Variants in ME2 observed in about 807,000 individuals in gnomAD.
ME2 encodes NAD-dependent malic enzyme, mitochondrial.
ME2 carries 60 observed loss-of-function variants against 73.7 expected under a neutral mutation model. The ratio of observed to expected loss-of-function variants is 0.81; its 90% CI spans 0.66 to 1.01. The LOEUF (loss-of-function observed/expected upper bound fraction) is 1.01, where lower values mean the gene tolerates loss of function less well. ME2 is among the 50% of genes least tolerant of loss of function. ME2 has a pLI of 0.00. For missense variants in ME2, 594 were observed against 705.5 expected, an observed-to-expected ratio of 0.84 and a Z score of 1.79; for synonymous variants, 199 against 236.9, an observed-to-expected ratio of 0.84 and a Z score of 1.47.
chr18:50,895,690 C>T, intron 1 of ME2, 119 bp from the exon 2 acceptor site: 1 of 646,038 alleles, frequency 1.5e-6, no homozygotes, highest in South Asian at 2.0e-5. Context: ...CTCTTGTTAC[C>T]TTTTTAAAAC....
intron 12 of ME2, among the ~76,000 whole-genome samples, chr18:50,926,479 G>T (rs917579279): frequency 4.6e-5 from 7 of 152,122 alleles, no homozygotes; most frequent in Non-Finnish European, 1.0e-4. Context: ...GGACATATGC[G>T]TGGTTTTCTT....
chr18:50,897,586 C>T (rs985041738), intron 2 of ME2, among the ~76,000 whole-genome samples: 1 of 151,888 alleles, frequency 6.6e-6, no homozygotes, highest in African/African-American at 2.4e-5. Context: ...TTAGGCCGGA[C>T]ATGGTGGCTT....
intron 2 of ME2, among the ~76,000 whole-genome samples, chr18:50,904,434 A>G (rs1916966703): frequency 6.7e-6 from 1 of 150,046 alleles, no homozygotes; most frequent in Non-Finnish European, 1.5e-5. Flanking sequence ...ACCCACCACC[A>G]CACCTGGCTT....
chr18:50,915,102 C>T (rs892815276), intron 4 of ME2, among the ~76,000 whole-genome samples: 1 of 152,060 alleles, frequency 6.6e-6, no homozygotes, highest in Non-Finnish European at 1.5e-5. Flanking sequence ...TCCTCCTCCT[C>T]CTCCTCCTCC....
chr18:50,922,794 C>G (rs553642656), intron 10 of ME2, among the ~76,000 whole-genome samples: 1 of 152,190 alleles, frequency 6.6e-6, no homozygotes, highest in African/African-American at 2.4e-5. Context: ...CATTTTGAAA[C>G]TTTGAAAACA....
chr18:50,897,836 G>A (rs1351505189), intron 2 of ME2, among the ~76,000 whole-genome samples: 2 of 151,084 alleles, frequency 1.3e-5, no homozygotes, highest in African/African-American at 2.4e-5. Context: ...GCCATCCTGG[G>A]CAAGAAGAGC....
At chr18:50,885,181 G>A (rs1356454382) in intron 1 of ME2, among the ~76,000 whole-genome samples, 4 of 152,102 alleles carry the variant, frequency 2.6e-5, no homozygotes, top group African/African-American at 7.2e-5. Context: ...AGTAAATAAT[G>A]CTATCTCTCC....
At position 50,953,150 on chromosome 18, in the gene ME2, A is replaced by C. The variant is rs946119164; in HGVS notation, c.*5966A>C. The C allele has an allele frequency of 7.1e-5, 10 of 140,470 alleles. No homozygotes were observed. The Admixed American group carries it at 7.6e-4, about 11-fold the overall frequency. 8.7% of individuals were successfully genotyped at this position (140,470 alleles called of 1,614,324 possible). A position where few individuals can be genotyped will look rare whatever the true frequency, so the allele number is the denominator to read the frequency against. Reference sequence around the variant, plus strand: ...AGCCTTGCTCTGTCTCCCAGGCTGGAGTGCAGTGGCGCAATCTCAGCTCAC... The same window carrying C: ...AGCCTTGCTCTGTCTCCCAGGCTGGCGTGCAGTGGCGCAATCTCAGCTCAC... On this transcript the variant is annotated 3_prime_UTR_variant, in exon 16 of 16. Coordinates refer to ENST00000321341, the MANE Select transcript of ME2 (RefSeq NM_002396.5).
intron 2 of ME2, among the ~76,000 whole-genome samples, chr18:50,905,661 A>T (rs1001142659): frequency 4.6e-5 from 7 of 152,196 alleles, no homozygotes; most frequent in Non-Finnish European, 1.0e-4. Context: ...GGGGGCTTCC[A>T]GGTTATAGGC....
At chr18:50,889,402 A>G (rs1916555037) in intron 1 of ME2, among the ~76,000 whole-genome samples, 1 of 152,216 alleles carries the variant, frequency 6.6e-6, no homozygotes, top group African/African-American at 2.4e-5. Flanking sequence ...GTTGCTGAAC[A>G]CATGGTGCTG....
At chr18:50,881,945 G>C (rs1916334440) in intron 1 of ME2, among the ~76,000 whole-genome samples, 1 of 152,202 alleles carries the variant, frequency 6.6e-6, no homozygotes, top group Non-Finnish European at 1.5e-5. Flanking sequence ...AAATTGGGGA[G>C]GTTGTGATTT....
rs139799734 is a variant in ME2, at chr18:50,882,026, G to A, written c.-13+2718G>A. Among the ~76,000 whole-genome samples, 50 of 152,090 alleles carry A rather than the reference G, an allele frequency of 3.3e-4. No homozygotes were observed. In the East Asian group the frequency reaches 9.3e-3, roughly 28 times the overall value. On this transcript the variant is annotated intron_variant, in intron 1 of 15. Coordinates refer to ENST00000321341, the MANE Select transcript of ME2 (RefSeq NM_002396.5). The stretch of plus-strand genomic sequence containing the variant: ...TGTTTTGTTTTTGTTTTTGAGAGAG[G>A]GTCTCACTTTTACCTAGGCTAGAGT...
At chr18:50,924,598 A>G (rs1917502641) in intron 11 of ME2, among the ~76,000 whole-genome samples, 5 of 150,862 alleles carry the variant, frequency 3.3e-5, no homozygotes, top group African/African-American at 1.0e-4. Context: ...CCATCAGACT[A>G]TGTCATCATG....
chr18:50,896,580 T>G (rs1916751478), intron 2 of ME2, among the ~76,000 whole-genome samples: 1 of 152,176 alleles, frequency 6.6e-6, no homozygotes. Flanking sequence ...AAATAGTAAG[T>G]AAAAGTTCTG....
chr18:50,943,108 A>G (rs780610964), intron 15 of ME2, among the ~76,000 whole-genome samples: 6 of 151,288 alleles, frequency 4.0e-5, no homozygotes, highest in Non-Finnish European at 5.9e-5. Flanking sequence ...TTGTATGTTA[A>G]TATTAAATAT....
chr18:50,933,718 A>C (rs1359441766), intron 13 of ME2: 1 of 151,708 alleles, frequency 6.6e-6, no homozygotes, highest in Non-Finnish European at 1.5e-5. Context: ...ATATAGGTAA[A>C]TTGTGTGTTG....
Position 50,950,827 on chromosome 18 carries a change from A to G in ME2, c.*3643A>G, listed in dbSNP as rs1411265333. ...TCTGACAAGCTCCCAGGTGATGCCTATGCTGCTGGTACAGTGAACAACATG... is the reference window on the plus strand; with the variant it reads ...TCTGACAAGCTCCCAGGTGATGCCTGTGCTGCTGGTACAGTGAACAACATG... On this transcript the variant is annotated 3_prime_UTR_variant, in exon 16 of 16. Transcript: ENST00000321341. 1 of 152,264 alleles carries G rather than the reference A, an allele frequency of 6.6e-6. No homozygotes were observed. Among genetic ancestry groups the G allele is most frequent in the Admixed American group, 6.5e-5 (1 of 15,268 alleles). 9.4% of individuals were successfully genotyped at this position (152,264 alleles called of 1,614,324 possible).
intron 12 of ME2, among the ~76,000 whole-genome samples, chr18:50,930,775 T>C (rs1917674111): frequency 6.6e-6 from 1 of 152,220 alleles, no homozygotes; most frequent in East Asian, 1.9e-4. Context: ...TATGTACTTA[T>C]TGTGATAACA....
chr18:50,904,956 A>G (rs1488276255), intron 2 of ME2, among the ~76,000 whole-genome samples: 2 of 151,690 alleles, frequency 1.3e-5, no homozygotes, highest in Non-Finnish European at 1.5e-5. Flanking sequence ...ATATGTTGGC[A>G]TACTTGATGG....
Sources: gnomAD v4.1 joint callset for allele counts (sites outside exome capture counted in the v4.1 genomes callset) on GRCh38, gnomAD v4.1.1 for gene constraint, MANE v1.5 for transcripts, NCBI Gene and HGNC (gene_info 2026-07-23, HGNC 2026-07-21) for gene names.